Variants in KAZN observed in about 807,000 individuals in gnomAD.
The protein encoded by KAZN is kazrin, periplakin interacting protein.
KAZN carries 40 observed loss-of-function variants against 87.4 expected under a neutral mutation model. The ratio of observed to expected loss-of-function variants is 0.46; its 90% CI spans 0.36 to 0.60. KAZN has a LOEUF of 0.60. KAZN is among the 20% of genes least tolerant of loss of function. KAZN has a pLI of 0.00. For missense variants in KAZN, 898 were observed against 1,073.9 expected (o/e 0.84, Z 2.29); for synonymous variants, 466 against 458.3 (o/e 1.02, Z -0.22).
chr1:13,933,416 C>T (rs925228396), intron 1 of KAZN, among the ~76,000 whole-genome samples: 11 of 152,206 alleles, frequency 7.2e-5, no homozygotes, highest in Admixed American at 6.5e-5. Flanking sequence ...TGCTTGAACC[C>T]GGGAGACGGA....
At chr1:14,738,467 G>T (rs1220374209) in intron 1 of KAZN, among the ~76,000 whole-genome samples, 4 of 151,988 alleles carry the variant, frequency 2.6e-5, no homozygotes, top group Admixed American at 1.3e-4. Flanking sequence ...TGCCAATAAG[G>T]TAATTGAAAT....
rs532398049 is a variant in KAZN, at chr1:14,357,398, T to C, written c.249+176806T>C. ...GACAATTTGACTTCCTCTCTTCCTA[T>C]TGGAATACCCTTTATTTCTTTCTCT... On this transcript the variant is annotated intron_variant, in intron 2 of 16. Transcript: ENST00000636203. 3.1e-4 allele frequency among the ~76,000 whole-genome samples: 47 copies of C among 152,266 alleles called. No individual in the cohort carries two copies. The South Asian group carries it at 9.7e-3, about 32-fold the overall frequency.
chr1:14,960,534 A>G, intron 1 of KAZN, 150 bp from the exon 2 acceptor site: 1 of 775,116 alleles, frequency 1.3e-6, no homozygotes, highest in Non-Finnish European at 2.0e-6. Context: ...GGCTCTTTGG[A>G]ATAAGGCAGT....
At chr1:14,394,735 T>C (rs1416624916) in intron 2 of KAZN, among the ~76,000 whole-genome samples, 1 of 152,214 alleles carries the variant, frequency 6.6e-6, no homozygotes, top group Admixed American at 6.5e-5. Flanking sequence ...CCTTACTATA[T>C]GTTGGGCTGG....
chr1:14,964,234 G>A (rs1177067975), intron 2 of KAZN, among the ~76,000 whole-genome samples: 2 of 152,192 alleles, frequency 1.3e-5, no homozygotes, highest in Non-Finnish European at 2.9e-5. Context: ...TTCCTTTGCT[G>A]AGGGTAATAG....
chr1:14,077,644 ATTG>A (rs1643513494), intron 1 of KAZN, among the ~76,000 whole-genome samples: 1 of 151,184 alleles, frequency 6.6e-6, no homozygotes, highest in Non-Finnish European at 1.5e-5. Context: ...GGTGTAGATA[ATTG>A]TTATGGGTTG....
intron 2 of KAZN, among the ~76,000 whole-genome samples, chr1:14,298,109 C>T (rs2100769372): frequency 6.6e-6 from 1 of 152,188 alleles, no homozygotes. Flanking sequence ...TCTGTAGTCC[C>T]AACTACTTGG....
intron 1 of KAZN, among the ~76,000 whole-genome samples, chr1:14,098,031 AT>A (rs529277894): frequency 1.0e-3 from 150 of 147,202 alleles, no homozygotes; most frequent in East Asian, 2.2e-3. Flanking sequence ...GGAAGGTAGG[AT>A]TTTTTTTTTT....
intron 2 of KAZN, among the ~76,000 whole-genome samples, chr1:14,569,354 GCT>G (rs1414538092): frequency 8.9e-6 from 1 of 112,144 alleles, no homozygotes; most frequent in South Asian, 2.8e-4. Context: ...ACGGAGTCTC[GCT>G]CTGTCACCCA....
chr1:14,518,198 T>C (rs1671396108), intron 2 of KAZN, among the ~76,000 whole-genome samples: 1 of 149,438 alleles, frequency 6.7e-6, no homozygotes, highest in East Asian at 2.0e-4. Context: ...TTTTTTTTTT[T>C]TGGGCAGAGT....
chr1:14,965,048 T>TTGA, intron 2 of KAZN, among the ~76,000 whole-genome samples: 1 of 151,662 alleles, frequency 6.6e-6, no homozygotes, highest in African/African-American at 2.4e-5. Context: ...TTTTTTTTTT[T>TTGA]GAGACAGAGT....
Position 14,556,236 on chromosome 1 carries a change from A to C in KAZN, c.250-42747A>C, listed in dbSNP as rs1673863681. Among the ~76,000 whole-genome samples the C allele has an allele frequency of 2.0e-5, 3 of 151,566 alleles. No homozygotes were observed. In the South Asian group the frequency reaches 6.3e-4, roughly 32 times the overall value. On this transcript the variant is annotated intron_variant, in intron 2 of 16. Coordinates refer to the KAZN transcript ENST00000636203. ...ACCATTCTCCTGCCTCAGCCTCCCG[A>C]GTAGCTGGGACTACAGGTACCCACC...
chr1:14,740,726 G>A (rs1572368136), intron 1 of KAZN, among the ~76,000 whole-genome samples: 1 of 152,146 alleles, frequency 6.6e-6, no homozygotes, highest in East Asian at 1.9e-4. Flanking sequence ...GGGATCAAGA[G>A]GGTCTCTTGA....
At chr1:13,914,088 A>T (rs1639752565) in intron 1 of KAZN, among the ~76,000 whole-genome samples, 1 of 152,186 alleles carries the variant, frequency 6.6e-6, no homozygotes, top group Non-Finnish European at 1.5e-5. Flanking sequence ...GCAACAACTA[A>T]AGACGCGCTG....
intron 2 of KAZN, among the ~76,000 whole-genome samples, chr1:14,489,164 G>A (rs561529204): frequency 1.5e-4 from 23 of 151,972 alleles, no homozygotes; most frequent in African/African-American, 4.8e-4. Flanking sequence ...ATTTCTACAC[G>A]TTGTAGAAAA....
intron 1 of KAZN, among the ~76,000 whole-genome samples, chr1:14,650,032 CTTTTT>C (rs34399319): frequency 6.9e-4 from 61 of 88,340 alleles, no homozygotes; most frequent in African/African-American, 8.4e-4. Context: ...CTCCACCCAT[CTTTTT>C]TTTTTTTTTT....
intron 1 of KAZN, among the ~76,000 whole-genome samples, chr1:14,623,988 C>T (rs1044619154): frequency 2.0e-5 from 3 of 152,004 alleles, no homozygotes; most frequent in South Asian, 2.1e-4. Context: ...TTCCACGTGC[C>T]CTTGAAAACA....
intron 2 of KAZN, among the ~76,000 whole-genome samples, chr1:14,217,493 A>C (rs1646984060): frequency 6.6e-6 from 1 of 152,088 alleles, no homozygotes; most frequent in Non-Finnish European, 1.5e-5. Flanking sequence ...AAATGAAGTT[A>C]TATCACTCAG....
At chr1:14,939,838 C>T (rs906605203) in intron 1 of KAZN, among the ~76,000 whole-genome samples, 1 of 152,152 alleles carries the variant, frequency 6.6e-6, no homozygotes, top group Non-Finnish European at 1.5e-5. Flanking sequence ...CTGAGCTCCT[C>T]CTCTGGAGGC....
Sources: gnomAD v4.1 joint callset for allele counts (sites outside exome capture counted in the v4.1 genomes callset) on GRCh38, gnomAD v4.1.1 for gene constraint, MANE v1.5 for transcripts, NCBI Gene and HGNC (gene_info 2026-07-23, HGNC 2026-07-21) for gene names.